The following BEND6 variants were observed in gnomAD, a reference collection of about 807,000 sequenced individuals.
BEND6 encodes the protein BEN domain-containing protein 6.
In BEND6, 24 loss-of-function variants were observed where a neutral mutation model predicts 31.8. The observed-to-expected ratio is 0.75, with a 90% CI of 0.55 to 1.06. The LOEUF (loss-of-function observed/expected upper bound fraction) is 1.06, where lower values mean the gene tolerates loss of function less well. Among genes scored for constraint, BEND6 ranks in the 50% least tolerant of loss-of-function variants. The pLI is 0.00. For missense variants in BEND6, 294 were observed against 327.4 expected (o/e 0.90, Z 0.79); for synonymous variants, 109 against 114.6 (o/e 0.95, Z 0.31).
At position 57,008,237 on chromosome 6, in the gene BEND6, T is replaced by C. The variant is rs773095720; in HGVS notation, c.299-6896T>C. 41 of 702,764 alleles carry C rather than the reference T, an allele frequency of 5.8e-5. No homozygotes were observed. The African/African-American group carries it at 6.6e-4, about 11-fold the overall frequency. The allele number at this position is 702,764 out of a possible 1,614,324, so 43.5% of individuals were successfully genotyped here. A position where few individuals can be genotyped will look rare whatever the true frequency, so the allele number is the denominator to read the frequency against. On this transcript the variant is annotated intron_variant, in intron 3 of 6. Transcript: ENST00000370746. ...ATGAATGTGTTCAAACAGCTGCCTC[T>C]GTTACCTTGACTCATCTCAGATACG... is the stretch of plus-strand genomic sequence containing the variant.
chr6:56,981,877 A>G lies in BEND6; in HGVS notation c.67A>G (p.Arg23Gly), dbSNP rs754412231. ...AGCTTTTAGAAAAGGAAAGAGGAAA[A>G]GAACAGAGACAATGGACTCAGAAAA... The part of the protein sequence containing the change: ...TQAFRKGKRK[R>G]TETMDSENAN... Residue 23 changes from arginine to glycine, a missense_variant, in exon 2 of 7, where the codon AGA becomes GGA. Arg to Gly is a moderately radical substitution (Grantham distance 125, BLOSUM62 -2). Transcript: ENST00000370746. The G allele has an allele frequency of 1.2e-6, 2 of 1,613,314 alleles. No individual in the cohort carries two copies. The highest frequency in any genetic ancestry group is 2.2e-5 in the South Asian group (2 of 91,008).
At chr6:56,960,035 A>G (rs1024576112) in intron 1 of BEND6, among the ~76,000 whole-genome samples, 2 of 152,354 alleles carry the variant, frequency 1.3e-5, no homozygotes, top group African/African-American at 2.4e-5. Context: ...TTCGTCTACT[A>G]TATAATGCTT....
Position 57,015,676 on chromosome 6 carries a change from G to A in BEND6, c.519+323G>A, listed in dbSNP as rs144091338. Among the ~76,000 whole-genome samples the A allele has an allele frequency of 3.8e-4, 58 of 151,668 alleles. No homozygotes were observed. The East Asian group carries it at 0.011, about 29-fold the overall frequency. ...AAAAATTAACCGGACGTGATGACGG[G>A]CACCTGTAGTCCCAGCTACTTGGGA... On this transcript the variant is annotated intron_variant, in intron 4 of 6. Coordinates refer to ENST00000370746, the MANE Select transcript of BEND6 (RefSeq NM_152731.3).
At chr6:56,956,794 G>T (rs889969581) in intron 1 of BEND6, among the ~76,000 whole-genome samples, 9 of 152,202 alleles carry the variant, frequency 5.9e-5, no homozygotes, top group African/African-American at 2.2e-4. Flanking sequence ...ACTGCAGTGA[G>T]AAACTATTCA....
intron 6 of BEND6, among the ~76,000 whole-genome samples, chr6:57,021,982 G>A (rs1280535018): frequency 1.3e-5 from 2 of 152,082 alleles, no homozygotes; most frequent in African/African-American, 4.8e-5. Flanking sequence ...GCTAAACATC[G>A]TTGTTGAATT....
At chr6:56,996,464 C>CA (rs1562549409) in intron 3 of BEND6, among the ~76,000 whole-genome samples, 2 of 151,392 alleles carry the variant, frequency 1.3e-5, no homozygotes, top group African/African-American at 4.9e-5. Flanking sequence ...CAAACAAAAA[C>CA]AAAAACAAAA....
rs550824361 is a variant in BEND6, at chr6:56,999,926, G to A, written c.298+7371G>A. ...TGCCCAGCCGCCCCGTCTAGGAAGC[G>A]AGCCCCTCTGCCTGGCTGCCCCGTC... On this transcript the variant is annotated intron_variant, in intron 3 of 6. Coordinates refer to ENST00000370746, the MANE Select transcript of BEND6 (RefSeq NM_152731.3). Among the ~76,000 whole-genome samples, 5 of 152,192 alleles carry A rather than the reference G, an allele frequency of 3.3e-5. No individual in the cohort carries two copies. The East Asian group carries it at 5.8e-4, about 18-fold the overall frequency.
chr6:57,010,621 G>A, intron 3 of BEND6: 4 of 900,780 alleles, frequency 4.4e-6, no homozygotes, highest in Non-Finnish European at 5.3e-6. Flanking sequence ...AGTGGATTGA[G>A]ACTTGCCATG....
At chr6:57,016,874 A>C (rs898444826) in intron 4 of BEND6, among the ~76,000 whole-genome samples, 1 of 152,178 alleles carries the variant, frequency 6.6e-6, no homozygotes, top group Non-Finnish European at 1.5e-5. Flanking sequence ...TCAGAGGGCC[A>C]TTATTCTGCC....
At chr6:56,978,641 G>A (rs985165357) in intron 1 of BEND6, among the ~76,000 whole-genome samples, 7 of 152,162 alleles carry the variant, frequency 4.6e-5, no homozygotes, top group Non-Finnish European at 8.8e-5. Flanking sequence ...ACTATCATCA[G>A]TTCCAGGAAT....
chr6:56,990,137 T>C (rs1462724776), intron 2 of BEND6, among the ~76,000 whole-genome samples: 2 of 152,054 alleles, frequency 1.3e-5, no homozygotes, highest in Non-Finnish European at 2.9e-5. Flanking sequence ...GGTTAACCAG[T>C]TTTTTCAAGC....
intron 1 of BEND6, among the ~76,000 whole-genome samples, chr6:56,963,444 A>G (rs890921282): frequency 2.0e-5 from 3 of 152,210 alleles, no homozygotes; most frequent in African/African-American, 7.2e-5. Context: ...TTTCATTGCC[A>G]TGTCTCCATC....
At chr6:57,008,343 A>G (rs1827233126) in intron 3 of BEND6, 1 of 650,346 alleles carries the variant, frequency 1.5e-6, no homozygotes, top group East Asian at 2.7e-5. Context: ...CAAGGCTACT[A>G]CTGATCATGT....
chr6:56,977,849 A>C (rs768019440), intron 1 of BEND6, among the ~76,000 whole-genome samples: 5 of 152,164 alleles, frequency 3.3e-5, no homozygotes, highest in Non-Finnish European at 5.9e-5. Flanking sequence ...CCCAGCTATT[A>C]GGGAAGCCAA....
chr6:56,979,332 T>C (rs1249867458), intron 1 of BEND6, among the ~76,000 whole-genome samples: 2 of 152,206 alleles, frequency 1.3e-5, no homozygotes, highest in Non-Finnish European at 2.9e-5. Context: ...ATGGAGTTTC[T>C]TGGTGATGGT....
intron 3 of BEND6, chr6:57,014,456 C>T: frequency 6.7e-7 from 1 of 1,486,096 alleles, no homozygotes; most frequent in Non-Finnish European, 9.0e-7. Context: ...TGTTATTTGT[C>T]CTTAGGAAAC....
intron 3 of BEND6, among the ~76,000 whole-genome samples, chr6:57,011,926 G>C (rs1419957224): frequency 6.6e-6 from 1 of 151,988 alleles, no homozygotes; most frequent in Non-Finnish European, 1.5e-5. Context: ...AGGAGTTCAA[G>C]ACCAGCCTGG....
chr6:57,007,388 T>C (rs1827196529), intron 3 of BEND6, among the ~76,000 whole-genome samples: 1 of 150,468 alleles, frequency 6.6e-6, no homozygotes, highest in African/African-American at 2.4e-5. Flanking sequence ...CAATTTGAAA[T>C]GAATCAAAGA....
intron 6 of BEND6, among the ~76,000 whole-genome samples, chr6:57,021,611 T>C (rs932240323): frequency 6.6e-6 from 1 of 152,200 alleles, no homozygotes; most frequent in African/African-American, 2.4e-5. Flanking sequence ...TTGATTTTTT[T>C]CCAGCCTGTC....
Sources: gnomAD v4.1 joint callset for allele counts (sites outside exome capture counted in the v4.1 genomes callset) on GRCh38, gnomAD v4.1.1 for gene constraint, MANE v1.5 for transcripts, NCBI Gene and HGNC (gene_info 2026-07-23, HGNC 2026-07-21) for gene names.